HAUS1: variants seen among roughly 807,000 people sequenced by gnomAD.
HAUS1 encodes HAUS augmin-like complex subunit 1.
In HAUS1, 25 loss-of-function variants were observed where a neutral mutation model predicts 38.6. That is an observed-to-expected ratio of 0.65 (90% CI 0.47 to 0.91). The LOEUF (loss-of-function observed/expected upper bound fraction) is 0.91, where lower values mean the gene tolerates loss of function less well. Ranked by LOEUF, HAUS1 falls within the 40% of genes least tolerant of loss-of-function variation. HAUS1 has a pLI of 0.00. For synonymous variants in HAUS1, 109 were observed against 112.9 expected (o/e 0.97, Z 0.22); for missense variants, 325 against 328.4 (o/e 0.99, Z 0.08).
intron 2 of HAUS1, among the ~76,000 whole-genome samples, chr18:46,116,026 A>T (rs1260753367): frequency 6.6e-6 from 1 of 151,928 alleles, no homozygotes; most frequent in Non-Finnish European, 1.5e-5. Flanking sequence ...GAATCACTTG[A>T]ACCTGGGAGG....
intron 3 of HAUS1, among the ~76,000 whole-genome samples, chr18:46,119,096 C>T (rs560733877): frequency 1.3e-5 from 2 of 152,252 alleles, no homozygotes; most frequent in African/African-American, 4.8e-5. Flanking sequence ...GTCTCAAACT[C>T]CTGACCTTGT....
chr18:46,114,369 C>A (rs1299143874), intron 2 of HAUS1, among the ~76,000 whole-genome samples: 2 of 152,178 alleles, frequency 1.3e-5, no homozygotes, highest in African/African-American at 4.8e-5. Flanking sequence ...CTGAACCCAG[C>A]CTCTGGAGTT....
At chr18:46,120,119 TCAA>T in intron 4 of HAUS1, 59 bp downstream of exon 4, 1 of 1,241,706 alleles carries the variant, frequency 8.1e-7, no homozygotes, top group Non-Finnish European at 1.1e-6. Flanking sequence ...TAGGACATTG[TCAA>T]ATTTAGTTTT....
chr18:46,113,356 C>T (rs8095711), intron 2 of HAUS1, among the ~76,000 whole-genome samples: 11,172 of 152,006 alleles, frequency 0.073, 503 homozygotes, highest in African/African-American at 0.13. Context: ...GGATTACAGG[C>T]GTGAGCCACC....
At chr18:46,121,391 C>T (rs1911939271) in intron 4 of HAUS1, among the ~76,000 whole-genome samples, 1 of 152,014 alleles carries the variant, frequency 6.6e-6, no homozygotes, top group Admixed American at 6.6e-5. Flanking sequence ...GGGGTTTCAC[C>T]ATGTTGGCCA....
chr18:46,125,872 T>C (rs1912090378), intron 8 of HAUS1, 81 bp downstream of exon 8: 1 of 868,186 alleles, frequency 1.2e-6, no homozygotes, highest in Non-Finnish European at 1.9e-6. Flanking sequence ...TTCATCCTTC[T>C]TTCCTTTCTC....
chr18:46,122,224 T>A (rs1224944428), intron 4 of HAUS1, among the ~76,000 whole-genome samples: 1 of 151,092 alleles, frequency 6.6e-6, no homozygotes. Flanking sequence ...AGTGGGAGGA[T>A]CACTTCAGCC....
intron 2 of HAUS1, among the ~76,000 whole-genome samples, chr18:46,112,986 A>AATATATATATGGAATATATATATGGAAT (rs59054651): frequency 1.2e-5 from 1 of 84,402 alleles, no homozygotes; most frequent in Non-Finnish European, 2.2e-5. Flanking sequence ...TTATATATAT[A>AATATATATATGGAATATATATATGGAAT]ATATATATTC....
intron 2 of HAUS1, among the ~76,000 whole-genome samples, chr18:46,105,971 C>T (rs948831311): frequency 4.6e-5 from 7 of 152,252 alleles, no homozygotes; most frequent in African/African-American, 1.7e-4. Flanking sequence ...AGAGTCTAAA[C>T]TTGTTAGTCT....
chr18:46,113,885 ACTC>A (rs1461242098), intron 2 of HAUS1, among the ~76,000 whole-genome samples: 1 of 152,200 alleles, frequency 6.6e-6, no homozygotes, highest in Admixed American at 6.6e-5. Flanking sequence ...ACAGAGTTAA[ACTC>A]CTGATGTTAT....
intron 4 of HAUS1, 103 bp from the exon 5 acceptor site, chr18:46,122,363 CT>C: frequency 2.5e-6 from 3 of 1,200,336 alleles, no homozygotes; most frequent in Non-Finnish European, 2.4e-6. Context: ...GTTACCAACT[CT>C]TGGCCAAGCC....
chr18:46,118,419 A>T, intron 3 of HAUS1, 103 bp downstream of exon 3: 1 of 1,076,450 alleles, frequency 9.3e-7, no homozygotes, highest in Non-Finnish European at 1.4e-6. Flanking sequence ...GGCAATAAAT[A>T]CAAAGCACTG....
chr18:46,125,076 A>G (rs1433156183), intron 7 of HAUS1, among the ~76,000 whole-genome samples, 183 bp downstream of exon 7: 9 of 152,066 alleles, frequency 5.9e-5, no homozygotes, highest in Non-Finnish European at 8.8e-5. Flanking sequence ...CTTGGCTAAT[A>G]TGGTGAAACC....
At chr18:46,125,622 T>A in intron 7 of HAUS1, 122 bp from the exon 8 acceptor site, 1 of 625,698 alleles carries the variant, frequency 1.6e-6, no homozygotes, top group Admixed American at 3.0e-5. Flanking sequence ...TTCAGTGTTA[T>A]ATGTACATTG....
intron 4 of HAUS1, among the ~76,000 whole-genome samples, chr18:46,122,196 G>A (rs9965365): frequency 0.17 from 25,701 of 151,738 alleles, 3,037 homozygotes; most frequent in East Asian, 0.41. Context: ...CTGTAGCCCT[G>A]GCTATTTGGG....
At chr18:46,106,468 CAAA>C (rs1158577669) in intron 2 of HAUS1, among the ~76,000 whole-genome samples, 3 of 105,124 alleles carry the variant, frequency 2.9e-5, no homozygotes, top group Non-Finnish European at 1.9e-5. Flanking sequence ...GACTCCGTCT[CAAA>C]AAAAAAAAAA....
chr18:46,122,076 A>G (rs1393928392), intron 4 of HAUS1, among the ~76,000 whole-genome samples: 2 of 152,150 alleles, frequency 1.3e-5, no homozygotes, highest in Non-Finnish European at 2.9e-5. Flanking sequence ...TCCTGACCTC[A>G]GGTGATCTGC....
chr18:46,112,270 TTA>T (rs1911656867), intron 2 of HAUS1, among the ~76,000 whole-genome samples: 1 of 139,778 alleles, frequency 7.2e-6, no homozygotes, highest in African/African-American at 2.6e-5. Context: ...ATATTCCATA[TTA>T]TATATATAAT....
intron 6 of HAUS1, 95 bp from the exon 7 acceptor site, chr18:46,124,727 G>A (rs1216805508): frequency 4.4e-6 from 3 of 678,216 alleles, no homozygotes; most frequent in African/African-American, 1.8e-5. Context: ...ATATACTAAT[G>A]TTAATGCTTT....
Sources: allele counts gnomAD v4.1 joint callset (sites outside exome capture counted in the v4.1 genomes callset), GRCh38; gene constraint gnomAD v4.1.1; transcripts MANE v1.5; gene names NCBI Gene and HGNC (gene_info 2026-07-23, HGNC 2026-07-21).